Variants in ERI2 observed in about 807,000 individuals in gnomAD.
ERI2 encodes the protein ERI1 exoribonuclease 2.
ERI2 carries 35 observed loss-of-function variants against 46.8 expected under a neutral mutation model. That is an observed-to-expected ratio of 0.75 (90% CI 0.57 to 0.99). The LOEUF (loss-of-function observed/expected upper bound fraction) is 0.99, where lower values mean the gene tolerates loss of function less well. Among genes scored for constraint, ERI2 ranks in the 50% least tolerant of loss-of-function variants. The probability of loss-of-function intolerance (pLI) is 0.00; values close to 1 mark genes in which losing one functional copy is unlikely to be tolerated. For synonymous variants in ERI2, 224 were observed against 271.0 expected (o/e 0.83, Z 1.70); for missense variants, 695 against 796.2 (o/e 0.87, Z 1.53).
Position 20,798,038 on chromosome 16 carries a change from TC to T in ERI2, c.1761del (p.Trp587Ter). ...AATGGAGGTGTCATTTTCCCACTCTTCCATGGCTCTTGTAGGTTAACTGTAG... is the reference window on the plus strand; with the variant it reads ...AATGGAGGTGTCATTTTCCCACTCTTCATGGCTCTTGTAGGTTAACTGTAG... ...LTSTVNLQEP[W>X]KSGKMTPPLC... On this transcript the variant is annotated frameshift_variant, in exon 9 of 9. Transcript: ENST00000357967. LOFTEE classifies it high-confidence loss of function. The T allele has an allele frequency of 6.4e-7, 1 of 1,551,802 alleles. No individual in the cohort carries two copies. Among genetic ancestry groups the T allele is most frequent in the South Asian group, 1.2e-5 (1 of 84,062 alleles).
chr16:20,780,871 A>G, intron 10 of ERI2: 1 of 1,614,070 alleles, frequency 6.2e-7, no homozygotes, highest in South Asian at 1.1e-5. Flanking sequence ...TACTTTCACA[A>G]AAGTGCAGCT....
chr16:20,803,613 T>C lies in ERI2; in HGVS notation c.81A>G (p.Arg27=). The C allele has an allele frequency of 6.2e-7, 1 of 1,614,198 alleles. No homozygotes were observed. The highest frequency in any genetic ancestry group is 1.3e-5 in the African/African-American group (1 of 75,076). ...SIAPANGNLG[R]SKSKQLFDYL... is the part of the protein sequence containing the mutation. ...AAGCATACTACTCACTGGATTTGCT[T>C]CTTCCGAGATTTCCATTTGCTGGCG... Residue 27 remains arginine (R), a synonymous_variant, in exon 2 of 9, where the codon AGA becomes AGG. Coordinates refer to ENST00000357967, the MANE Select transcript of ERI2 (RefSeq NM_001142725.2).
Position 20,796,397 on chromosome 16 carries a change from C to T in ERI2, c.*1327G>A. The T allele has an allele frequency of 6.2e-7, 1 of 1,613,260 alleles. No homozygotes were observed. Among genetic ancestry groups the T allele is most frequent in the African/African-American group, 1.3e-5 (1 of 74,902 alleles). Reference sequence around the variant, plus strand: ...AGTAAAGGCTTTTGTCGTTCTAAATCCTGATTACAAGTCACATGATCAAGA... The same window carrying T: ...AGTAAAGGCTTTTGTCGTTCTAAATTCTGATTACAAGTCACATGATCAAGA... On this transcript the variant is annotated 3_prime_UTR_variant, in exon 9 of 9. Transcript: ENST00000357967.
At chr16:20,786,142 C>T in intron 10 of ERI2, 1 of 1,609,724 alleles carries the variant, frequency 6.2e-7, no homozygotes, top group South Asian at 1.1e-5. Context: ...AAACCTTCTC[C>T]TGCTTTCGAT....
chr16:20,799,724 A>C (rs2080775646), intron 7 of ERI2: 1 of 481,470 alleles, frequency 2.1e-6, no homozygotes, highest in African/African-American at 2.0e-5. Context: ...GATTTGGCTC[A>C]TTCTTTTCAT....
chr16:20,804,798 G>T (rs1472267877), intron 1 of ERI2, among the ~76,000 whole-genome samples: 2 of 152,224 alleles, frequency 1.3e-5, no homozygotes, highest in African/African-American at 4.8e-5. Context: ...GTAGTTTTCT[G>T]TGTTTGCTAA....
At chr16:20,785,674 G>C (rs979237000) in intron 10 of ERI2, among the ~76,000 whole-genome samples, 22 of 152,132 alleles carry the variant, frequency 1.4e-4, no homozygotes, top group African/African-American at 4.8e-4. Flanking sequence ...AAATAGATAA[G>C]GGAAAAGTTG....
At position 20,796,822 on chromosome 16, in the gene ERI2, T is replaced by C. The variant is rs2080732263; in HGVS notation, c.*902A>G. On this transcript the variant is annotated 3_prime_UTR_variant, in exon 9 of 9. Transcript: ENST00000357967. ...CCTAGAATTCATAATCAAACTGCTA[T>C]ATAATTGGCTTTATGTAAAGATAAA... 3.1e-6 allele frequency: 5 copies of C among 1,600,096 alleles called. No homozygotes were observed. Among genetic ancestry groups the C allele is most frequent in the Non-Finnish European group, 2.6e-6 (3 of 1,175,992 alleles).
rs766712702 is a variant in ERI2, at chr16:20,801,299, G to T, written c.364C>A (p.His122Asn). 1.1e-5 allele frequency: 17 copies of T among 1,612,382 alleles called. No individual in the cohort carries two copies. In the East Asian group the frequency reaches 3.8e-4, roughly 36 times the overall value. ...ATGTTCTTCTGTTGCTGAATCTTAT[G>T]AATCCATTTACAGAACTGAGATAAG... is the stretch of plus-strand genomic sequence containing the variant. ...ICLSQFCKWI[H>N]KIQQQKNIIF... Residue 122 changes from histidine to asparagine, a missense_variant, in exon 5 of 9, where the codon CAT becomes AAT. Physicochemically the swap from His to Asn is moderately conservative, Grantham distance 68. Transcript: ENST00000357967.
chr16:20,800,199 A>C lies in ERI2; in HGVS notation c.561+103T>G, dbSNP rs917566821. 1.5e-5 allele frequency: 14 copies of C among 903,846 alleles called. No individual in the cohort carries two copies. The Middle Eastern group carries it at 6.7e-4, about 43-fold the overall frequency. The allele number at this position is 903,846 out of a possible 1,614,324, so 56.0% of individuals were successfully genotyped here. A position where few individuals can be genotyped will look rare whatever the true frequency, so the allele number is the denominator to read the frequency against. Reference sequence around the variant, plus strand: ...GAAATGCATTTATGTGACCAGTACAAAAGAAAGTATCTTCTTTGCAGAAAC... The same window carrying C: ...GAAATGCATTTATGTGACCAGTACACAAGAAAGTATCTTCTTTGCAGAAAC... On this transcript the variant is annotated intron_variant, in intron 6 of 8. Transcript: ENST00000357967.
At chr16:20,792,802 A>T, downstream of ERI2, 1 of 727,270 alleles carries the variant, frequency 1.4e-6, no homozygotes, top group Non-Finnish European at 1.7e-6. Flanking sequence ...TAGGTAAATA[A>T]GTAGAGATTT....
At chr16:20,801,558 C>T (rs1255113766) in intron 4 of ERI2, among the ~76,000 whole-genome samples, 199 bp from the exon 5 acceptor site, 2 of 151,950 alleles carry the variant, frequency 1.3e-5, no homozygotes, top group African/African-American at 2.4e-5. Flanking sequence ...GGTAAAAACA[C>T]GTGGGAAAGA....
At chr16:20,803,538 T>A in intron 2 of ERI2, 22 bp from the exon 3 acceptor site, 1 of 1,613,892 alleles carries the variant, frequency 6.2e-7, no homozygotes, top group South Asian at 1.1e-5. Flanking sequence ...CAAGTTGTTC[T>A]TATGCTTTAC....
In ERI2 at chr16:20,798,015, T is replaced by C; in HGVS notation, c.1785A>G (p.Pro595=). Residue 595 remains proline (P), a synonymous_variant, in exon 9 of 9, where the codon CCA becomes CCG. Transcript: ENST00000357967. ...EPWKSGKMTP[P]LCKCGRRSKR... ...TAGATCTCCGACCACACTTGCATAA[T>C]GGAGGTGTCATTTTCCCACTCTTCC... 1 of 1,551,964 alleles carries C rather than the reference T, an allele frequency of 6.4e-7. No individual in the cohort carries two copies. Among genetic ancestry groups the C allele is most frequent in the East Asian group, 2.4e-5 (1 of 40,918 alleles).
In ERI2 at chr16:20,781,103, C is replaced by T. The variant is rs145742097; in HGVS notation, c.895-369G>A. On this transcript the variant is annotated intron_variant, in intron 10 of 10. Transcript: ENST00000300005. ...CATGTGTATTCACACACCATTTACC[C>T]CGTTTTGAGCCGACTTCTATCTTGC... 2.7e-4 allele frequency: 436 copies of T among 1,613,994 alleles called. 3 individuals carry two copies. In the African/African-American group the frequency reaches 5.2e-3, roughly 19 times the overall value.
chr16:20,786,678 G>C (rs549556792), intron 10 of ERI2, among the ~76,000 whole-genome samples: 9 of 152,170 alleles, frequency 5.9e-5, no homozygotes, highest in Non-Finnish European at 1.3e-4. Flanking sequence ...GCAAGACCCT[G>C]TCTCTAAATA....
downstream of ERI2, chr16:20,792,292 CAG>C (rs1229157142): frequency 6.2e-7 from 1 of 1,614,100 alleles, no homozygotes; most frequent in East Asian, 2.2e-5. Flanking sequence ...CCTTCAGTTG[CAG>C]AGTCAGCTGT....
At chr16:20,784,160 C>T (rs577548732) in intron 10 of ERI2, among the ~76,000 whole-genome samples, 4 of 152,312 alleles carry the variant, frequency 2.6e-5, no homozygotes, top group Admixed American at 2.0e-4. Flanking sequence ...CAGTTCTGCA[C>T]CTTGCTTTTT....
chr16:20,794,926 G>A (rs1859538276), downstream of ERI2, among the ~76,000 whole-genome samples: 1 of 152,170 alleles, frequency 6.6e-6, no homozygotes, highest in South Asian at 2.1e-4. Flanking sequence ...AGATAAAAGA[G>A]ACTATCCAAG....
Sources: allele counts gnomAD v4.1 joint callset (sites outside exome capture counted in the v4.1 genomes callset), GRCh38; gene constraint gnomAD v4.1.1; transcripts MANE v1.5; gene names NCBI Gene and HGNC (gene_info 2026-07-23, HGNC 2026-07-21).